Variants in LPXN observed in about 807,000 individuals in gnomAD.
LPXN encodes the protein leupaxin.
Under a neutral mutation model 45.6 loss-of-function variants are expected in LPXN, and 28 were observed. The observed-to-expected ratio is 0.61, with a 90% CI of 0.45 to 0.84. LPXN has a LOEUF of 0.84. Ranked by LOEUF, LPXN falls within the 40% of genes least tolerant of loss-of-function variation. The pLI, the probability that LPXN is intolerant of heterozygous loss-of-function variation, is 0.00. For missense variants in LPXN, 459 were observed against 475.0 expected (o/e 0.97, Z 0.31); for synonymous variants, 166 against 169.9 (o/e 0.98, Z 0.18).
At chr11:58,536,475 G>A (rs1565186205) in intron 7 of LPXN, among the ~76,000 whole-genome samples, 1 of 152,118 alleles carries the variant, frequency 6.6e-6, no homozygotes. Context: ...ACTGAAACTG[G>A]ACCCCTTCCT....
intron 2 of LPXN, among the ~76,000 whole-genome samples, chr11:58,569,097 AAAG>A (rs1854603680): frequency 6.6e-6 from 1 of 152,222 alleles, no homozygotes; most frequent in Non-Finnish European, 1.5e-5. Flanking sequence ...TGTCTGGAGA[AAAG>A]AACAGTTAGG....
chr11:58,537,422 A>G (rs148250618), intron 7 of LPXN, among the ~76,000 whole-genome samples: 4,539 of 152,214 alleles, frequency 0.03, 229 homozygotes, highest in African/African-American at 0.1. Flanking sequence ...CAGAAAACCA[A>G]ACACCGCATG....
intron 3 of LPXN, among the ~76,000 whole-genome samples, chr11:58,559,372 A>G (rs1386073753): frequency 6.6e-6 from 1 of 152,164 alleles, no homozygotes; most frequent in Non-Finnish European, 1.5e-5. Context: ...GGACATATAT[A>G]TATAAATATA....
intron 4 of LPXN, 102 bp from the exon 5 acceptor site, chr11:58,551,334 G>T: frequency 1.0e-6 from 1 of 964,338 alleles, no homozygotes. Context: ...TGATCTCTTG[G>T]CCTTTCCCCA....
upstream of LPXN, among the ~76,000 whole-genome samples, chr11:58,576,333 G>A (rs79667801): frequency 6.4e-3 from 978 of 152,260 alleles, 16 homozygotes; most frequent in African/African-American, 0.022. Context: ...ATCCTTAAAA[G>A]TAGGGCAGAA....
At chr11:58,565,156 G>A (rs575442933) in intron 2 of LPXN, among the ~76,000 whole-genome samples, 8 of 152,288 alleles carry the variant, frequency 5.3e-5, no homozygotes, top group African/African-American at 1.4e-4. Context: ...GTGTTTATTG[G>A]CCAGGCATGG....
chr11:58,577,994 G>A (rs1395453461), upstream of LPXN: 18 of 1,550,432 alleles, frequency 1.2e-5, no homozygotes, highest in Non-Finnish European at 1.5e-5. Context: ...ACCTCTAGGA[G>A]CTCACAGGTG....
chr11:58,569,037 C>A (rs1401659626), intron 2 of LPXN, among the ~76,000 whole-genome samples: 1 of 152,154 alleles, frequency 6.6e-6, no homozygotes, highest in Non-Finnish European at 1.5e-5. Flanking sequence ...AGAACAAAGA[C>A]AATAGTTCCC....
chr11:58,555,838 A>C (rs958243178), intron 3 of LPXN, among the ~76,000 whole-genome samples: 1 of 151,966 alleles, frequency 6.6e-6, no homozygotes, highest in Non-Finnish European at 1.5e-5. Context: ...AAAATATATA[A>C]ATAGACTTAA....
chr11:58,571,339 CAAAA>C (rs1022573386), intron 1 of LPXN, among the ~76,000 whole-genome samples: 9 of 100,722 alleles, frequency 8.9e-5, no homozygotes, highest in African/African-American at 2.9e-4. Flanking sequence ...TACCCTGTCT[CAAAA>C]AATAAATAAA....
chr11:58,549,735 T>G lies in LPXN; in HGVS notation c.742+51A>C, dbSNP rs374909929. ...ACTACCAGGAAAGGTGTTGCTGGTC[T>G]TATAACTACCCACTGGGGTGTGGGA... On this transcript the variant is annotated intron_variant, in intron 7 of 8. Coordinates refer to ENST00000395074, the MANE Select transcript of LPXN (RefSeq NM_004811.3). The G allele has an allele frequency of 1.2e-4, 187 of 1,535,900 alleles. No homozygotes were observed. In the African/African-American group the frequency reaches 2.3e-3, roughly 19 times the overall value.
intron 7 of LPXN, among the ~76,000 whole-genome samples, chr11:58,547,964 A>G (rs982702683): frequency 7.9e-5 from 12 of 152,176 alleles, no homozygotes; most frequent in African/African-American, 2.9e-4. Flanking sequence ...AAATTAAAAA[A>G]AACAAGACAA....
intron 7 of LPXN, among the ~76,000 whole-genome samples, chr11:58,548,059 A>G (rs1290774284): frequency 2.0e-5 from 3 of 152,202 alleles, no homozygotes; most frequent in Non-Finnish European, 4.4e-5. Flanking sequence ...TTTAATAAAA[A>G]CTTGCCAATC....
In LPXN at chr11:58,527,424, G is replaced by A. The variant is rs750347787; in HGVS notation, c.*30C>T. On this transcript the variant is annotated 3_prime_UTR_variant, in exon 9 of 9. Coordinates refer to ENST00000395074, the MANE Select transcript of LPXN (RefSeq NM_004811.3). ...CCTCTCTTGGTTTAAATTTTATAAG[G>A]AATCTGAAGAGGCTATGGATCAGTT... 1 of 1,607,838 alleles carries A rather than the reference G, an allele frequency of 6.2e-7. No individual in the cohort carries two copies. Among genetic ancestry groups the A allele is most frequent in the African/African-American group, 1.3e-5 (1 of 74,676 alleles).
intron 7 of LPXN, among the ~76,000 whole-genome samples, chr11:58,548,955 GA>G (rs1241350625): frequency 1.3e-5 from 2 of 152,048 alleles, no homozygotes; most frequent in Non-Finnish European, 2.9e-5. Flanking sequence ...ATTATATATT[GA>G]AAAAACAGGG....
chr11:58,565,389 T>C (rs1039118402), intron 2 of LPXN, among the ~76,000 whole-genome samples: 1 of 151,976 alleles, frequency 6.6e-6, no homozygotes, highest in Non-Finnish European at 1.5e-5. Flanking sequence ...AAAATTTAGC[T>C]GGGAGTGGTG....
rs191239168 is a variant in LPXN at position 58,545,838 on chromosome 11, C to A, written c.742+3948G>T. Among the ~76,000 whole-genome samples, 236 of 152,266 alleles carry A rather than the reference C, an allele frequency of 1.5e-3. 3 individuals carry two copies. Among genetic ancestry groups the A allele is most frequent in the Admixed American group, 0.014 (213 of 15,294 alleles). On this transcript the variant is annotated intron_variant, in intron 7 of 8. Coordinates refer to ENST00000395074, the MANE Select transcript of LPXN (RefSeq NM_004811.3). ...TCTAACTGTGTGACTTTAAGAAAAT[C>A]ACTTTACCTACCTGAGACTCATCTA...
intron 7 of LPXN, among the ~76,000 whole-genome samples, chr11:58,533,569 A>T (rs923409250): frequency 2.0e-5 from 3 of 152,216 alleles, no homozygotes; most frequent in African/African-American, 7.2e-5. Flanking sequence ...GCAAAAACAT[A>T]CCAAATTGTA....
At chr11:58,540,790 T>C (rs563313918) in intron 7 of LPXN, among the ~76,000 whole-genome samples, 1 of 152,302 alleles carries the variant, frequency 6.6e-6, no homozygotes, top group East Asian at 1.9e-4. Flanking sequence ...GTCCAGGTAA[T>C]GGAGCTACAC....
Sources: allele counts gnomAD v4.1 joint callset (sites outside exome capture counted in the v4.1 genomes callset), GRCh38; gene constraint gnomAD v4.1.1; transcripts MANE v1.5; gene names NCBI Gene and HGNC (gene_info 2026-07-23, HGNC 2026-07-21).